UNC5C: variants seen among roughly 807,000 people sequenced by gnomAD.
UNC5C encodes the protein netrin receptor UNC5C.
In UNC5C, 47 loss-of-function variants were observed where a neutral mutation model predicts 99.8. The ratio of observed to expected loss-of-function variants is 0.47; its 90% CI spans 0.37 to 0.60. The LOEUF (loss-of-function observed/expected upper bound fraction) is 0.60. UNC5C is among the 20% of genes least tolerant of loss of function. The probability of loss-of-function intolerance (pLI) is 0.00; values close to 1 mark genes in which losing one functional copy is unlikely to be tolerated. For synonymous variants in UNC5C, 487 were observed against 452.2 expected, an observed-to-expected ratio of 1.08 and a Z score of -0.98; for missense variants, 1,062 against 1,165.9, an observed-to-expected ratio of 0.91 and a Z score of 1.30.
chr4:95,207,872 TGA>T lies in UNC5C; in HGVS notation c.1734-1078_1734-1077del, dbSNP rs1737938601. 3.3e-5 allele frequency among the ~76,000 whole-genome samples: 5 copies of T among 152,356 alleles called. No homozygotes were observed. In the South Asian group the frequency reaches 1.0e-3, roughly 32 times the overall value. On this transcript the variant is annotated intron_variant, in intron 10 of 15. Coordinates refer to ENST00000453304, the MANE Select transcript of UNC5C (RefSeq NM_003728.4). ...ATTTACAAAATATTCTTACTTAGAATGAGCACAACCTGACTTCCTGAAATTTC... is the reference window on the plus strand; with the variant it reads ...ATTTACAAAATATTCTTACTTAGAATGCACAACCTGACTTCCTGAAATTTC...
At chr4:95,365,193 G>T (rs577212695) in intron 1 of UNC5C, among the ~76,000 whole-genome samples, 169 of 150,040 alleles carry the variant, frequency 1.1e-3, no homozygotes, top group Non-Finnish European at 1.9e-3. Context: ...CTACTCAGGA[G>T]GCTGAGGCAA....
At chr4:95,201,458 A>G (rs1381271751) in intron 12 of UNC5C, among the ~76,000 whole-genome samples, 14 of 152,028 alleles carry the variant, frequency 9.2e-5, no homozygotes, top group Admixed American at 8.5e-4. Context: ...TGTATTTTCA[A>G]TCATGTCTTT....
At chr4:95,246,551 C>A (rs1456909928) in intron 5 of UNC5C, among the ~76,000 whole-genome samples, 1 of 151,982 alleles carries the variant, frequency 6.6e-6, no homozygotes, top group Non-Finnish European at 1.5e-5. Context: ...CAGAGTGAGA[C>A]CCTCTCTCCA....
intron 1 of UNC5C, among the ~76,000 whole-genome samples, chr4:95,373,291 G>A (rs1744799952): frequency 6.6e-6 from 1 of 152,072 alleles, no homozygotes; most frequent in African/African-American, 2.4e-5. Flanking sequence ...ATCTATATGA[G>A]CTGACCCTCT....
At chr4:95,430,700 T>G (rs1578159372) in intron 1 of UNC5C, among the ~76,000 whole-genome samples, 2 of 152,282 alleles carry the variant, frequency 1.3e-5, no homozygotes, top group East Asian at 3.9e-4. Flanking sequence ...GCATGTTACT[T>G]CATGACCTGT....
At chr4:95,513,999 G>C (rs924368397) in intron 1 of UNC5C, among the ~76,000 whole-genome samples, 1 of 152,120 alleles carries the variant, frequency 6.6e-6, no homozygotes, top group African/African-American at 2.4e-5. Flanking sequence ...TGGGCAGATG[G>C]TATACTTCAG....
intron 3 of UNC5C, among the ~76,000 whole-genome samples, chr4:95,295,891 C>G (rs571462666): frequency 2.6e-5 from 4 of 152,208 alleles, no homozygotes; most frequent in African/African-American, 9.6e-5. Context: ...TCGAGACCAG[C>G]CTGGGCAACA....
intron 1 of UNC5C, among the ~76,000 whole-genome samples, chr4:95,505,483 T>C (rs1264653863): frequency 6.6e-6 from 1 of 152,154 alleles, no homozygotes; most frequent in Non-Finnish European, 1.5e-5. Flanking sequence ...GTATTAGCCA[T>C]ATATCTTAGG....
intron 1 of UNC5C, among the ~76,000 whole-genome samples, chr4:95,439,383 G>GTTTT (rs3069229): frequency 9.7e-5 from 14 of 144,410 alleles, no homozygotes; most frequent in African/African-American, 2.8e-4. Context: ...TGAGGTTTTG[G>GTTTT]TTTTTTTTTT....
chr4:95,426,680 C>T (rs1746495867), intron 1 of UNC5C, among the ~76,000 whole-genome samples: 1 of 152,190 alleles, frequency 6.6e-6, no homozygotes, highest in Admixed American at 6.5e-5. Context: ...ATTGTTGATA[C>T]ACAGAACGTT....
At chr4:95,373,371 C>T (rs1744801626) in intron 1 of UNC5C, among the ~76,000 whole-genome samples, 1 of 152,096 alleles carries the variant, frequency 6.6e-6, no homozygotes, top group South Asian at 2.1e-4. Flanking sequence ...TCTTGGTGTT[C>T]CTCTAATACT....
At chr4:95,195,688 G>T (rs1459328824) in intron 12 of UNC5C, among the ~76,000 whole-genome samples, 1 of 152,130 alleles carries the variant, frequency 6.6e-6, no homozygotes, top group Admixed American at 6.5e-5. Flanking sequence ...ACGTCTGACT[G>T]TCCATGACTG....
intron 3 of UNC5C, among the ~76,000 whole-genome samples, chr4:95,283,865 G>A (rs1741144312): frequency 6.6e-6 from 1 of 152,204 alleles, no homozygotes; most frequent in South Asian, 2.1e-4. Flanking sequence ...AACTTGGCAT[G>A]CATCTAATTT....
chr4:95,513,909 T>C (rs1002978164), intron 1 of UNC5C, among the ~76,000 whole-genome samples: 1 of 152,214 alleles, frequency 6.6e-6, no homozygotes, highest in Non-Finnish European at 1.5e-5. Context: ...ATAAATTGCT[T>C]AACCTAACTT....
intron 1 of UNC5C, among the ~76,000 whole-genome samples, chr4:95,434,038 ATAAT>A (rs1746705730): frequency 6.6e-6 from 1 of 152,134 alleles, no homozygotes; most frequent in African/African-American, 2.4e-5. Context: ...GTTATGCTCT[ATAAT>A]TATTATCAAA....
chr4:95,307,510 A>G (rs1742104972), intron 2 of UNC5C, among the ~76,000 whole-genome samples: 1 of 152,134 alleles, frequency 6.6e-6, no homozygotes, highest in Non-Finnish European at 1.5e-5. Context: ...AAAGTTTCCC[A>G]TCAAATAAAG....
At chr4:95,501,632 A>G (rs560045700) in intron 1 of UNC5C, among the ~76,000 whole-genome samples, 75 of 152,278 alleles carry the variant, frequency 4.9e-4, no homozygotes, top group Middle Eastern at 3.4e-3. Flanking sequence ...CTGAAATACA[A>G]TAATTTTGAA....
chr4:95,517,756 T>C (rs570051814), intron 1 of UNC5C, among the ~76,000 whole-genome samples: 49 of 152,318 alleles, frequency 3.2e-4, no homozygotes, highest in Non-Finnish European at 4.1e-4. Context: ...ACGTTTCTGT[T>C]ACAAAGTGCA....
chr4:95,508,020 C>T (rs182092888), intron 1 of UNC5C, among the ~76,000 whole-genome samples: 84 of 152,126 alleles, frequency 5.5e-4, no homozygotes, highest in African/African-American at 1.8e-3. Flanking sequence ...ACTTTAGGAT[C>T]TCACACTTGG....
Sources: allele counts gnomAD v4.1 joint callset (sites outside exome capture counted in the v4.1 genomes callset), GRCh38; gene constraint gnomAD v4.1.1; transcripts MANE v1.5; gene names NCBI Gene and HGNC (gene_info 2026-07-23, HGNC 2026-07-21).